TUSC3: variants seen among roughly 807,000 people sequenced by gnomAD.
TUSC3 encodes the protein tumor suppressor candidate 3.
Under a neutral mutation model 44.8 loss-of-function variants are expected in TUSC3, and 45 were observed. The ratio of observed to expected loss-of-function variants is 1.00; its 90% confidence interval spans 0.79 to 1.29. TUSC3 has a LOEUF of 1.29. Ranked by LOEUF, TUSC3 falls within the 50% of genes most tolerant of loss-of-function variation. TUSC3 has a pLI of 0.00. For missense variants in TUSC3, 519 were observed against 437.9 expected (o/e 1.19, Z -1.65); for synonymous variants, 212 against 152.9 (o/e 1.39, Z -2.85).
intron 1 of TUSC3, among the ~76,000 whole-genome samples, chr8:15,606,645 C>G (rs1222263755): frequency 1.3e-5 from 2 of 151,990 alleles, no homozygotes; most frequent in African/African-American, 4.8e-5. Context: ...AATCAGATTC[C>G]TCTCTGTAGG....
intron 7 of TUSC3, among the ~76,000 whole-genome samples, chr8:15,738,400 G>A (rs1811026487): frequency 6.6e-6 from 1 of 152,040 alleles, no homozygotes; most frequent in Non-Finnish European, 1.5e-5. Context: ...TTTACAGCAG[G>A]GTTTGGCAAA....
intron 6 of TUSC3, chr8:15,689,214 T>C: frequency 2.8e-6 from 1 of 356,162 alleles, no homozygotes; most frequent in South Asian, 2.5e-5. Context: ...TTCCATTTTC[T>C]CTTCTTTGCA....
intron 2 of TUSC3, among the ~76,000 whole-genome samples, chr8:15,506,750 C>G (rs1474091245): frequency 6.6e-6 from 1 of 152,142 alleles, no homozygotes; most frequent in African/African-American, 2.4e-5. Context: ...CCAAGTCCCT[C>G]CCACAACACG....
intron 1 of TUSC3, among the ~76,000 whole-genome samples, chr8:15,620,444 GA>G (rs1240233661): frequency 1.3e-5 from 2 of 152,134 alleles, no homozygotes; most frequent in Admixed American, 6.6e-5. Flanking sequence ...ATTTTACATT[GA>G]TTTTTTTTAG....
At chr8:15,535,157 T>C (rs545204355) in intron 2 of TUSC3, among the ~76,000 whole-genome samples, 1 of 152,342 alleles carries the variant, frequency 6.6e-6, no homozygotes, top group Non-Finnish European at 1.5e-5. Flanking sequence ...TTCAAATAAA[T>C]AGAATGATAT....
the TUSC3 span, among the ~76,000 whole-genome samples, chr8:15,804,500 T>G: frequency 7.2e-5 from 11 of 152,276 alleles, no homozygotes; most frequent in African/African-American, 2.6e-4. Flanking sequence ...TGAGGTAAGT[T>G]TTGTATGTGG....
At chr8:15,849,555 A>T in the TUSC3 span, among the ~76,000 whole-genome samples, 1 of 152,180 alleles carries the variant, frequency 6.6e-6, no homozygotes, top group Admixed American at 6.6e-5. Context: ...AAAGAAAGCC[A>T]CCAGGAGTTA....
At chr8:15,726,113 T>G (rs987604286) in intron 6 of TUSC3, among the ~76,000 whole-genome samples, 1 of 152,158 alleles carries the variant, frequency 6.6e-6, no homozygotes, top group Non-Finnish European at 1.5e-5. Context: ...TTAAAAATGT[T>G]GAAAAACCAG....
At chr8:15,518,667 C>A (rs1051071564) in intron 2 of TUSC3, among the ~76,000 whole-genome samples, 3 of 152,108 alleles carry the variant, frequency 2.0e-5, no homozygotes, top group Non-Finnish European at 4.4e-5. Flanking sequence ...CCAGTCTTAG[C>A]AGCAAATCTG....
chr8:15,797,534 G>C, the TUSC3 span, among the ~76,000 whole-genome samples: 1 of 152,272 alleles, frequency 6.6e-6, no homozygotes, highest in East Asian at 1.9e-4. Context: ...GCCACAGTCA[G>C]GGCCACTGAG....
the TUSC3 span, among the ~76,000 whole-genome samples, chr8:15,782,937 T>A: frequency 6.6e-6 from 1 of 152,066 alleles, no homozygotes; most frequent in Non-Finnish European, 1.5e-5. Flanking sequence ...GAATTGTGTC[T>A]CTGGTAACAT....
intron 1 of TUSC3, among the ~76,000 whole-genome samples, chr8:15,458,334 GCTCAAACAATCCTCCCACCTCAGT>G (rs1181289720): frequency 4.6e-5 from 7 of 152,036 alleles, no homozygotes; most frequent in Non-Finnish European, 8.8e-5. Context: ...GACCTCTCAG[GCTCAAACAATCCTCCCACCTCAGT>G]CTCCCGAATA....
intron 3 of TUSC3, among the ~76,000 whole-genome samples, chr8:15,655,528 G>A (rs1279436183): frequency 6.6e-6 from 1 of 152,176 alleles, no homozygotes; most frequent in Non-Finnish European, 1.5e-5. Flanking sequence ...GTCAAAGTCC[G>A]AACAGTGCAC....
intron 8 of TUSC3, among the ~76,000 whole-genome samples, chr8:15,746,666 C>CTGAT (rs1410022718): frequency 1.3e-5 from 2 of 151,862 alleles, no homozygotes; most frequent in Admixed American, 6.6e-5. Context: ...AGCCTCATTT[C>CTGAT]TGATAGAGCA....
chr8:15,781,161 G>A, the TUSC3 span, among the ~76,000 whole-genome samples: 1 of 152,144 alleles, frequency 6.6e-6, no homozygotes, highest in African/African-American at 2.4e-5. Context: ...TGGAAGGAAG[G>A]GTGCTGTCTG....
intron 2 of TUSC3, among the ~76,000 whole-genome samples, chr8:15,533,975 C>G (rs999105297): frequency 1.1e-4 from 17 of 152,050 alleles, no homozygotes; most frequent in African/African-American, 3.4e-4. Context: ...AGCCATTACG[C>G]AGATGGCCTT....
intron 9 of TUSC3, among the ~76,000 whole-genome samples, chr8:15,752,490 T>C (rs1811750207): frequency 6.6e-6 from 1 of 152,186 alleles, no homozygotes; most frequent in Non-Finnish European, 1.5e-5. Context: ...ATTCAAATTC[T>C]AGATGTTTGC....
intron 2 of TUSC3, among the ~76,000 whole-genome samples, chr8:15,637,718 G>A (rs538080398): frequency 1.2e-4 from 18 of 152,050 alleles, no homozygotes; most frequent in African/African-American, 4.3e-4. Flanking sequence ...GGGTGGGGAT[G>A]GCTAGACTTT....
intron 5 of TUSC3, among the ~76,000 whole-genome samples, chr8:15,667,898 A>G (rs962107226): frequency 1.3e-5 from 2 of 151,766 alleles, no homozygotes; most frequent in African/African-American, 4.8e-5. Context: ...TTGGAAAACT[A>G]TAGGATCTGA....
Sources: gnomAD v4.1 joint callset for allele counts (sites outside exome capture counted in the v4.1 genomes callset) on GRCh38, gnomAD v4.1.1 for gene constraint, MANE v1.5 for transcripts, NCBI Gene and HGNC (gene_info 2026-07-23, HGNC 2026-07-21) for gene names.